Variants in USP6NL observed in about 807,000 individuals in gnomAD.
USP6NL encodes the protein USP6 N-terminal-like protein.
In USP6NL, 26 loss-of-function variants were observed where a neutral mutation model predicts 61.9. The ratio of observed to expected loss-of-function variants is 0.42; its 90% confidence interval spans 0.31 to 0.58. USP6NL has a LOEUF of 0.58. Ranked by LOEUF, USP6NL falls within the 20% of genes least tolerant of loss-of-function variation. The pLI is 0.16. For synonymous variants in USP6NL, 432 were observed against 390.1 expected, an observed-to-expected ratio of 1.11 and a Z score of -1.27; for missense variants, 1,114 against 1,034.3, an observed-to-expected ratio of 1.08 and a Z score of -1.06.
rs1833078772 is a variant in USP6NL, at chr10:11,478,983, A to C, written c.1078+2787T>G. The stretch of plus-strand genomic sequence containing the variant: ...GCCAAAATGTAATGTAATAAATGCC[A>C]CTAATCCACATGACTAATGGTTTGG... On this transcript the variant is annotated intron_variant, in intron 14 of 14. Coordinates refer to ENST00000609104, the MANE Select transcript of USP6NL (RefSeq NM_014688.5). The surrounding 1 kb of genome is among the most constrained non-coding windows in gnomAD (Gnocchi z 6.8). Among the ~76,000 whole-genome samples the C allele has an allele frequency of 6.7e-6, 1 of 150,098 alleles. No homozygotes were observed. Among genetic ancestry groups the C allele is most frequent in the Non-Finnish European group, 1.5e-5 (1 of 67,032 alleles).
At chr10:11,543,225 A>C (rs1226545452) in intron 2 of USP6NL, among the ~76,000 whole-genome samples, 1 of 152,188 alleles carries the variant, frequency 6.6e-6, no homozygotes, top group Admixed American at 6.5e-5. Context: ...ATCCAAATAT[A>C]TATTTCTTCA....
rs1374172720 is a variant in USP6NL, at chr10:11,482,163, G to A, written c.926-241C>T. Among the ~76,000 whole-genome samples the A allele has an allele frequency of 1.3e-5, 2 of 152,076 alleles. No homozygotes were observed. Among genetic ancestry groups the A allele is most frequent in the Non-Finnish European group, 2.9e-5 (2 of 68,004 alleles). ...GGAGAAAGGATGGGAGGAGAATACT[G>A]CCTAATACTTCCTCATTGGAATAAC... On this transcript the variant is annotated intron_variant, in intron 13 of 14. Transcript: ENST00000609104. The surrounding 1 kb of genome is among the most constrained non-coding windows in gnomAD (Gnocchi z 4.0).
In USP6NL at chr10:11,611,405, C is replaced by T. The variant is rs1218204504; in HGVS notation, c.-84+38G>A. The T allele has an allele frequency of 1.3e-5, 2 of 152,470 alleles. No individual in the cohort carries two copies. The highest frequency in any genetic ancestry group is 2.9e-5 in the Non-Finnish European group (2 of 68,188). 9.4% of individuals were successfully genotyped at this position (152,470 alleles called of 1,614,324 possible). On this transcript the variant is annotated intron_variant, in intron 1 of 14. Coordinates refer to ENST00000609104, the MANE Select transcript of USP6NL (RefSeq NM_014688.5). This position sits in a 1 kb window ranked among gnomAD's most constrained non-coding sequence, Gnocchi z 5.3. ...AGGACGCCCGCGGAGCCCGCCGCCGCCGGCCCCTCACGGCGGGAGCTGAGG... is the reference window on the plus strand; with the variant it reads ...AGGACGCCCGCGGAGCCCGCCGCCGTCGGCCCCTCACGGCGGGAGCTGAGG...
chr10:11,492,317 T>G (rs1184366515), intron 8 of USP6NL, among the ~76,000 whole-genome samples: 1 of 152,238 alleles, frequency 6.6e-6, no homozygotes, highest in Non-Finnish European at 1.5e-5. Context: ...TCCCCAGATA[T>G]ACAAAACACT....
In USP6NL at chr10:11,463,043, G is replaced by C; in HGVS notation, c.1885C>G (p.Pro629Ala). ...ACGGGGGGATTGCTGTAGGAGGGGG[G>C]ATGAGCTAGCCCTCGGGCTTCCCCA... is the stretch of plus-strand genomic sequence containing the variant. ...LDGEARGLAH[P>A]PSYSNPPVYH... The change falls in exon 15 of 15, where the codon CCC becomes GCC. Residue 629 changes from proline (P) to alanine (A), a missense_variant. Coordinates refer to ENST00000609104, the MANE Select transcript of USP6NL (RefSeq NM_014688.5). The surrounding 1 kb of genome is among the most constrained non-coding windows in gnomAD (Gnocchi z 6.3). 6.2e-7 allele frequency: 1 copy of C among 1,613,966 alleles called. No homozygotes were observed. Among genetic ancestry groups the C allele is most frequent in the South Asian group, 1.1e-5 (1 of 91,086 alleles).
chr10:11,506,731 A>G (rs1834453099), intron 6 of USP6NL, among the ~76,000 whole-genome samples: 1 of 131,482 alleles, frequency 7.6e-6, no homozygotes, highest in Admixed American at 7.7e-5. Flanking sequence ...CAACCTTAAC[A>G]GAATTTTTTT....
At chr10:11,515,658 G>A (rs897982486) in intron 5 of USP6NL, among the ~76,000 whole-genome samples, 4 of 152,194 alleles carry the variant, frequency 2.6e-5, no homozygotes, top group Admixed American at 6.5e-5. Flanking sequence ...CTTGGTAACC[G>A]GAAGTATTCT....
intron 1 of USP6NL, among the ~76,000 whole-genome samples, chr10:11,607,744 C>T (rs187044651): frequency 2.0e-5 from 3 of 152,140 alleles, no homozygotes; most frequent in African/African-American, 4.8e-5. Flanking sequence ...CATAACATTA[C>T]TAACAGCAAA....
chr10:11,531,025 C>T (rs1159775047), intron 2 of USP6NL, among the ~76,000 whole-genome samples: 1 of 152,196 alleles, frequency 6.6e-6, no homozygotes, highest in Non-Finnish European at 1.5e-5. Context: ...GTTCCAGGCA[C>T]CTATAAACAA....
rs1833418257 is a variant in USP6NL at position 11,485,405 on chromosome 10, T to C, written c.760-171A>G. Among the ~76,000 whole-genome samples, 1 of 152,206 alleles carries C rather than the reference T, an allele frequency of 6.6e-6. No homozygotes were observed. On this transcript the variant is annotated intron_variant, in intron 11 of 14. Transcript: ENST00000609104. The surrounding 1 kb of genome is among the most constrained non-coding windows in gnomAD (Gnocchi z 4.8). ...GGACTGTAATACAACAATTAGATTCTCTTTAATATATTTTACAGTGAGCTT... is the reference window on the plus strand; with the variant it reads ...GGACTGTAATACAACAATTAGATTCCCTTTAATATATTTTACAGTGAGCTT...
At chr10:11,479,253 A>G (rs1160444690) in intron 14 of USP6NL, among the ~76,000 whole-genome samples, 2 of 152,234 alleles carry the variant, frequency 1.3e-5, no homozygotes, top group African/African-American at 4.8e-5. Flanking sequence ...TCTGCAACAC[A>G]TAATAAACTG....
intron 7 of USP6NL, among the ~76,000 whole-genome samples, chr10:11,497,455 C>A (rs564606567): frequency 3.6e-4 from 54 of 150,478 alleles, no homozygotes; most frequent in African/African-American, 1.3e-3. Flanking sequence ...AGATAATGGG[C>A]AAGTAAAGAG....
chr10:11,468,434 T>C lies in USP6NL; in HGVS notation c.1079-4585A>G, dbSNP rs754842397. Among the ~76,000 whole-genome samples, 19 of 152,204 alleles carry C rather than the reference T, an allele frequency of 1.2e-4. No individual in the cohort carries two copies. Among genetic ancestry groups the C allele is most frequent in the South Asian group, 4.1e-4 (2 of 4,832 alleles). ...TAAAACCTCTTTTTCACTGAAAACA[T>C]GGAAGCGAAACACTACTGGACTACT... On this transcript the variant is annotated intron_variant, in intron 14 of 14. Transcript: ENST00000609104. The surrounding 1 kb of genome is among the most constrained non-coding windows in gnomAD (Gnocchi z 4.5).
rs1833711756 is a variant in USP6NL, at chr10:11,491,615, G to C, written c.495-735C>G. ...CTGTGTGGGCTGGGGGGATTATCCTGATTACTAAGGGGAACATGGGTTGCT... is the reference window on the plus strand; with the variant it reads ...CTGTGTGGGCTGGGGGGATTATCCTCATTACTAAGGGGAACATGGGTTGCT... On this transcript the variant is annotated intron_variant, in intron 8 of 14. Transcript: ENST00000609104. The surrounding 1 kb of genome is among the most constrained non-coding windows in gnomAD (Gnocchi z 4.7). Among the ~76,000 whole-genome samples the C allele has an allele frequency of 6.6e-6, 1 of 152,170 alleles. No individual in the cohort carries two copies. Among genetic ancestry groups the C allele is most frequent in the Non-Finnish European group, 1.5e-5 (1 of 68,028 alleles).
At chr10:11,550,844 T>C (rs766953609) in intron 2 of USP6NL, among the ~76,000 whole-genome samples, 3 of 143,030 alleles carry the variant, frequency 2.1e-5, no homozygotes, top group Non-Finnish European at 4.6e-5. Context: ...AAAAGACACA[T>C]GGATATATGA....
intron 2 of USP6NL, among the ~76,000 whole-genome samples, chr10:11,579,960 T>TGGGGGG (rs78353052): frequency 1.3e-4 from 13 of 98,078 alleles, no homozygotes; most frequent in East Asian, 3.9e-4. Flanking sequence ...CAGTGGAGAG[T>TGGGGGG]GGCGGGGGGG....
intron 2 of USP6NL, among the ~76,000 whole-genome samples, chr10:11,560,503 A>AC (rs1836882679): frequency 6.6e-6 from 1 of 151,658 alleles, no homozygotes; most frequent in African/African-American, 2.4e-5. Context: ...TTCTTATATA[A>AC]CTCTGCCCTA....
rs528640272 is a variant in USP6NL at position 11,602,376 on chromosome 10, G to A, written c.-83-4659C>T. Among the ~76,000 whole-genome samples, 194 of 152,102 alleles carry A rather than the reference G, an allele frequency of 1.3e-3. No homozygotes were observed. Among genetic ancestry groups the A allele is most frequent in the African/African-American group, 4.4e-3 (182 of 41,482 alleles). On this transcript the variant is annotated intron_variant, in intron 1 of 14. Transcript: ENST00000609104. The surrounding 1 kb of genome is among the most constrained non-coding windows in gnomAD (Gnocchi z 4.8). The stretch of plus-strand genomic sequence containing the variant: ...ATAGATAACAGGAAGGATTTACTAT[G>A]TATAATATATAATATGTATTACAAT...
rs1290211980 is a variant in USP6NL at position 11,600,440 on chromosome 10, A to G, written c.-83-2723T>C. On this transcript the variant is annotated intron_variant, in intron 1 of 14. Transcript: ENST00000609104. This position sits in a 1 kb window ranked among gnomAD's most constrained non-coding sequence, Gnocchi z 4.1. Reference sequence around the variant, plus strand: ...ACAGCCAAACCCAGCCAAACTCAACAGAGAGCGCAGACCAGTGAGCTAGAA... The same window carrying G: ...ACAGCCAAACCCAGCCAAACTCAACGGAGAGCGCAGACCAGTGAGCTAGAA... Among the ~76,000 whole-genome samples the G allele has an allele frequency of 6.6e-6, 1 of 152,226 alleles. No homozygotes were observed. Among genetic ancestry groups the G allele is most frequent in the Non-Finnish European group, 1.5e-5 (1 of 68,032 alleles).
Sources: allele counts gnomAD v4.1 joint callset (sites outside exome capture counted in the v4.1 genomes callset), GRCh38; gene constraint gnomAD v4.1.1; non-coding constraint Gnocchi (gnomAD v3.1); transcripts MANE v1.5; gene names NCBI Gene and HGNC (gene_info 2026-07-23, HGNC 2026-07-21).